Variants in CRY1 observed in about 807,000 individuals in gnomAD.
CRY1 encodes cryptochrome circadian regulator 1, also known as cryptochrome-1.
CRY1 carries 45 observed loss-of-function variants against 76.0 expected under a neutral mutation model. The observed-to-expected ratio is 0.59, with a 90% CI of 0.47 to 0.76. The LOEUF (loss-of-function observed/expected upper bound fraction) is 0.76, where lower values mean the gene tolerates loss of function less well. Ranked by LOEUF, CRY1 falls within the 30% of genes least tolerant of loss-of-function variation. The probability of loss-of-function intolerance (pLI) is 0.00; values close to 1 mark genes in which losing one functional copy is unlikely to be tolerated. For synonymous variants in CRY1, 248 were observed against 244.0 expected, an observed-to-expected ratio of 1.02 and a Z score of -0.15; for missense variants, 587 against 716.4, an observed-to-expected ratio of 0.82 and a Z score of 2.06.
intron 1 of CRY1, among the ~76,000 whole-genome samples, chr12:107,057,896 A>G (rs772847503): frequency 7.3e-5 from 11 of 151,374 alleles, no homozygotes; most frequent in Non-Finnish European, 1.3e-4. Context: ...CCGTCTCTCC[A>G]AAAAAACAAC....
intron 1 of CRY1, among the ~76,000 whole-genome samples, chr12:107,068,239 A>G (rs1953136605): frequency 6.6e-6 from 1 of 152,206 alleles, no homozygotes; most frequent in South Asian, 2.1e-4. Flanking sequence ...TCTCTGATAT[A>G]TAGGGAAACT....
intron 1 of CRY1, among the ~76,000 whole-genome samples, chr12:107,073,576 AAAATTAGC>A (rs1196040651): frequency 6.6e-6 from 1 of 152,116 alleles, no homozygotes; most frequent in East Asian, 1.9e-4. Context: ...AAAACACAAA[AAAATTAGC>A]TGGGCATGGT....
intron 1 of CRY1, among the ~76,000 whole-genome samples, chr12:107,053,273 TGAA>T (rs967863494): frequency 6.6e-6 from 1 of 151,964 alleles, no homozygotes; most frequent in Non-Finnish European, 1.5e-5. Context: ...ATGGAAAATA[TGAA>T]GAAAATAAAA....
chr12:107,010,527 T>A (rs1351616866), intron 2 of CRY1, among the ~76,000 whole-genome samples: 6 of 152,352 alleles, frequency 3.9e-5, no homozygotes, highest in African/African-American at 1.4e-4. Flanking sequence ...TGTGCTCACC[T>A]CGTGTCTCTG....
At chr12:107,058,345 C>T (rs1953009323) in intron 1 of CRY1, among the ~76,000 whole-genome samples, 1 of 151,906 alleles carries the variant, frequency 6.6e-6, no homozygotes, top group South Asian at 2.1e-4. Flanking sequence ...AGTGTACAAA[C>T]CTAAAGAGAG....
Position 107,092,865 on chromosome 12 carries a change from A to G in CRY1, c.97T>C (p.Cys33Arg). ...AACCAGGGGTCCAGGATGTAGACGC[A>G]GCGGATGGTGTCGGCGCCCTGAATG... is the stretch of plus-strand genomic sequence containing the variant. ...ECIQGADTIR[C>R]VYILDPWFAG... The change falls in exon 1 of 13, where the codon TGC (cysteine) becomes CGC (arginine). Residue 33 changes from cysteine (C) to arginine (R), a missense_variant. Physicochemically the swap from Cys to Arg is radical, Grantham distance 180 (BLOSUM62 -3). Coordinates refer to ENST00000008527, the MANE Select transcript of CRY1 (RefSeq NM_004075.5). 1 of 1,611,068 alleles carries G rather than the reference A, an allele frequency of 6.2e-7. No homozygotes were observed. The highest frequency in any genetic ancestry group is 8.5e-7 in the Non-Finnish European group (1 of 1,179,664).
intron 1 of CRY1, among the ~76,000 whole-genome samples, chr12:107,066,063 T>C (rs7978019): frequency 0.044 from 6,648 of 152,282 alleles, 277 homozygotes; most frequent in African/African-American, 0.11. Context: ...GACTACACAG[T>C]CGTACAACCT....
intron 1 of CRY1, among the ~76,000 whole-genome samples, chr12:107,051,197 CAT>C (rs1193478358): frequency 6.6e-6 from 1 of 152,036 alleles, no homozygotes; most frequent in South Asian, 2.1e-4. Flanking sequence ...ATATGAAAAA[CAT>C]GTGTTATGTA....
At chr12:107,034,897 T>C (rs533717614) in intron 1 of CRY1, among the ~76,000 whole-genome samples, 42 of 152,340 alleles carry the variant, frequency 2.8e-4, no homozygotes, top group Admixed American at 2.3e-3. Flanking sequence ...TCCTTGTAAC[T>C]TATGCCTCTC....
chr12:107,014,839 AT>A (rs1185657905), intron 2 of CRY1, among the ~76,000 whole-genome samples: 2 of 152,094 alleles, frequency 1.3e-5, no homozygotes, highest in Admixed American at 1.3e-4. Context: ...TAGCATTAGG[AT>A]ATAACCTGGG....
intron 1 of CRY1, among the ~76,000 whole-genome samples, chr12:107,063,391 G>C (rs1953071463): frequency 6.6e-6 from 1 of 152,204 alleles, no homozygotes; most frequent in African/African-American, 2.4e-5. Context: ...TGGAACTCAG[G>C]AGAATTAGGG....
chr12:106,996,408 T>C (rs1952234437), intron 10 of CRY1, among the ~76,000 whole-genome samples: 1 of 152,256 alleles, frequency 6.6e-6, no homozygotes, highest in Non-Finnish European at 1.5e-5. Context: ...TCTTTGCTAA[T>C]GTGAATAGTG....
intron 2 of CRY1, among the ~76,000 whole-genome samples, chr12:107,007,558 C>T (rs534268364): frequency 6.6e-6 from 1 of 151,022 alleles, no homozygotes; most frequent in African/African-American, 2.4e-5. Context: ...GAGTTAGGCT[C>T]CCACTCTGTT....
At chr12:107,085,872 T>TCAAAA (rs1159313162) in intron 1 of CRY1, among the ~76,000 whole-genome samples, 1 of 151,484 alleles carries the variant, frequency 6.6e-6, no homozygotes, top group African/African-American at 2.4e-5. Flanking sequence ...CTTAGAGAAC[T>TCAAAA]CAAAACAAAA....
intron 1 of CRY1, among the ~76,000 whole-genome samples, chr12:107,040,267 T>G (rs1348597032): frequency 9.4e-6 from 1 of 106,416 alleles, no homozygotes; most frequent in East Asian, 4.2e-4. Flanking sequence ...GAATACTTTC[T>G]TTCCTTTTTT....
At chr12:106,992,158 T>C (rs531764116) in intron 12 of CRY1, 157 bp from the exon 13 acceptor site, 36 of 152,300 alleles carry the variant, frequency 2.4e-4, no homozygotes, top group African/African-American at 8.7e-4. Flanking sequence ...GTAAACAGTG[T>C]TAGAAACTGA....
intron 1 of CRY1, among the ~76,000 whole-genome samples, chr12:107,022,540 G>A (rs950323697): frequency 3.3e-5 from 5 of 151,846 alleles, no homozygotes; most frequent in Admixed American, 2.0e-4. Flanking sequence ...TATGAAAATG[G>A]CTTTTCATAT....
In CRY1 at chr12:107,092,927, C is replaced by T; in HGVS notation, c.35G>A (p.Gly12Glu). 1 of 1,601,284 alleles carries T rather than the reference C, an allele frequency of 6.2e-7. No individual in the cohort carries two copies. Among genetic ancestry groups the T allele is most frequent in the Non-Finnish European group, 8.5e-7 (1 of 1,174,840 alleles). Reference protein sequence around the residue: ...GVNAVHWFRKGLRLHDNPALK... With the variant: ...GVNAVHWFRKELRLHDNPALK... ...GGCGGGGTTGTCGTGGAGCCGGAGC[C>T]CCTTTCGGAACCAGTGCACGGCGTT... is the stretch of plus-strand genomic sequence containing the variant. The change falls in exon 1 of 13, where the codon GGG (glycine) becomes GAG (glutamate). Residue 12 changes from glycine (G) to glutamate (E), a missense_variant. Physicochemically the swap from Gly to Glu is moderately conservative, Grantham distance 98. Transcript: ENST00000008527.
intron 1 of CRY1, among the ~76,000 whole-genome samples, chr12:107,066,072 C>T (rs1177744971): frequency 6.6e-6 from 1 of 152,120 alleles, no homozygotes; most frequent in Non-Finnish European, 1.5e-5. Flanking sequence ...GTCGTACAAC[C>T]TAGTTTTTAC....
Sources: allele counts gnomAD v4.1 joint callset (sites outside exome capture counted in the v4.1 genomes callset), GRCh38; gene constraint gnomAD v4.1.1; transcripts MANE v1.5; gene names NCBI Gene and HGNC (gene_info 2026-07-23, HGNC 2026-07-21).